The following PDE8B variants were observed in gnomAD, a reference collection of about 807,000 sequenced individuals.
PDE8B encodes high affinity cAMP-specific and IBMX-insensitive 3',5'-cyclic phosphodiesterase 8B.
Under a neutral mutation model 101.3 loss-of-function variants are expected in PDE8B, and 26 were observed. That is an observed-to-expected ratio of 0.26 (90% CI 0.19 to 0.36). The LOEUF (loss-of-function observed/expected upper bound fraction) is 0.36. PDE8B is among the 10% of genes least tolerant of loss of function. PDE8B has a pLI of 1.00. For synonymous variants in PDE8B, 424 were observed against 429.3 expected, an observed-to-expected ratio of 0.99 and a Z score of 0.15; for missense variants, 810 against 1,163.1, an observed-to-expected ratio of 0.70 and a Z score of 4.42.
chr5:77,138,469 G>A, the PDE8B span, among the ~76,000 whole-genome samples: 1 of 152,212 alleles, frequency 6.6e-6, no homozygotes, highest in Non-Finnish European at 1.5e-5. Context: ...TTCCAGAGCT[G>A]AGTATTTCCA....
intron 10 of PDE8B, among the ~76,000 whole-genome samples, chr5:77,364,290 C>G (rs954772597): frequency 5.3e-5 from 8 of 152,168 alleles, no homozygotes; most frequent in African/African-American, 1.7e-4. Context: ...CACCTAAAAC[C>G]CAGCCATTGT....
the PDE8B span, chr5:77,148,595 A>T: frequency 1.3e-5 from 2 of 152,180 alleles, no homozygotes; most frequent in African/African-American, 4.8e-5. Context: ...GTGATATCTT[A>T]TCGTGGTTTT....
intron 1 of PDE8B, among the ~76,000 whole-genome samples, chr5:77,279,110 G>C (rs1023663791): frequency 6.6e-6 from 1 of 152,170 alleles, no homozygotes; most frequent in African/African-American, 2.4e-5. Flanking sequence ...TGGTGATTAT[G>C]TGGTGTTCTA....
At position 77,421,848 on chromosome 5, in the gene PDE8B, C is replaced by T. The variant is rs755425323; in HGVS notation, c.2278C>T (p.Pro760Ser). The T allele has an allele frequency of 3.7e-6, 6 of 1,614,094 alleles. No individual in the cohort carries two copies. Among genetic ancestry groups the T allele is most frequent in the Non-Finnish European group, 4.2e-6 (5 of 1,179,990 alleles). Residue 760 changes from proline to serine, a missense_variant, in exon 20 of 22, where the codon CCT becomes TCT. Pro to Ser is a moderately conservative substitution (Grantham distance 74). Coordinates refer to ENST00000264917, the MANE Select transcript of PDE8B (RefSeq NM_003719.5). ...EIEGSDCECN[P>S]AGKNFPENQI... The stretch of plus-strand genomic sequence containing the variant: ...TGAAGGCAGCGACTGTGAATGCAAC[C>T]CTGCTGGGAAGAACTTCCCTGAAAA...
chr5:77,298,465 T>C (rs754950207), intron 1 of PDE8B, among the ~76,000 whole-genome samples: 3 of 152,212 alleles, frequency 2.0e-5, no homozygotes, highest in Non-Finnish European at 2.9e-5. Context: ...ATAAGCAGCA[T>C]TGATGAATTT....
intron 1 of PDE8B, among the ~76,000 whole-genome samples, chr5:77,220,638 A>G (rs916506695): frequency 4.6e-5 from 7 of 152,256 alleles, no homozygotes; most frequent in African/African-American, 1.7e-4. Context: ...AAAAAGTTTT[A>G]GCCCATTATG....
intron 5 of PDE8B, among the ~76,000 whole-genome samples, chr5:77,336,973 A>G (rs1049980968): frequency 1.3e-5 from 2 of 152,240 alleles, no homozygotes; most frequent in Non-Finnish European, 2.9e-5. Flanking sequence ...TCCGTGCTCT[A>G]GAGCATTCAT....
At chr5:77,107,572 A>G in the PDE8B span, among the ~76,000 whole-genome samples, 11 of 152,220 alleles carry the variant, frequency 7.2e-5, no homozygotes, top group African/African-American at 2.4e-4. Context: ...AATAGAACTG[A>G]TGAGAGAGGG....
the PDE8B span, among the ~76,000 whole-genome samples, chr5:77,130,504 C>T: frequency 3.2e-4 from 48 of 152,250 alleles, no homozygotes; most frequent in African/African-American, 1.1e-3. Flanking sequence ...CTTCTAAGCA[C>T]CTTTCCCTTA....
the PDE8B span, among the ~76,000 whole-genome samples, chr5:77,179,018 A>G: frequency 6.6e-6 from 1 of 152,220 alleles, no homozygotes; most frequent in South Asian, 2.1e-4. Flanking sequence ...GTGGGCAGCA[A>G]GTCAAGTCAC....
chr5:77,233,654 CTGTGTGTGTGTGTGTG>C (rs72346580), intron 1 of PDE8B, among the ~76,000 whole-genome samples: 24,253 of 138,274 alleles, frequency 0.18, 2,225 homozygotes, highest in African/African-American at 0.24. Context: ...CCCTGAAGCT[CTGTGTGTGTGTGTGTG>C]TGTGTGTGTG....
At chr5:77,423,392 G>A (rs1797109375) in intron 20 of PDE8B, among the ~76,000 whole-genome samples, 1 of 152,136 alleles carries the variant, frequency 6.6e-6, no homozygotes, top group Admixed American at 6.5e-5. Context: ...TGGGACGGCT[G>A]GGTTGAATAG....
the PDE8B span, among the ~76,000 whole-genome samples, chr5:77,166,154 A>G: frequency 6.7e-6 from 1 of 148,684 alleles, no homozygotes; most frequent in South Asian, 2.2e-4. Context: ...GCACTTCACA[A>G]TTCTGCCCTG....
intron 5 of PDE8B, among the ~76,000 whole-genome samples, chr5:77,333,910 A>C (rs1777613228): frequency 6.6e-6 from 1 of 152,236 alleles, no homozygotes. Flanking sequence ...GGTAGCTGTC[A>C]GGGACCACCT....
chr5:77,411,605 A>G (rs1478950009), intron 14 of PDE8B, 71 bp from the exon 15 acceptor site: 3 of 1,269,242 alleles, frequency 2.4e-6, no homozygotes, highest in Admixed American at 1.7e-5. Context: ...CTCTTTCACT[A>G]ATAATAAAAA....
Position 77,210,916 on chromosome 5 carries a change from C to T in PDE8B, c.-10C>T. On this transcript the variant is annotated 5_prime_UTR_variant, in exon 1 of 22. Transcript: ENST00000264917. The surrounding 1 kb of genome is among the most constrained non-coding windows in gnomAD (Gnocchi z 4.9). ...GCGCGGGCGGGCGCGCGGGGGAGCC[C>T]GGCCGAGGGATGGGCTGCGCCCCCA... The T allele has an allele frequency of 2.9e-6, 4 of 1,389,046 alleles. No homozygotes were observed. Among genetic ancestry groups the T allele is most frequent in the Non-Finnish European group, 3.7e-6 (4 of 1,070,666 alleles). 86.0% of individuals were successfully genotyped at this position (1,389,046 alleles called of 1,614,324 possible).
chr5:77,354,492 A>C (rs13186807), intron 10 of PDE8B, among the ~76,000 whole-genome samples: 70,788 of 151,998 alleles, frequency 0.47, 17,324 homozygotes, highest in South Asian at 0.59. Flanking sequence ...AAGGGTTCCA[A>C]CAGACATTTT....
At chr5:77,283,414 A>G (rs1020625357) in intron 1 of PDE8B, among the ~76,000 whole-genome samples, 1 of 152,212 alleles carries the variant, frequency 6.6e-6, no homozygotes, top group African/African-American at 2.4e-5. Context: ...GGAGTTTGAC[A>G]GGTATACACC....
At chr5:77,269,796 AT>A (rs1410258796) in intron 1 of PDE8B, among the ~76,000 whole-genome samples, 1 of 152,058 alleles carries the variant, frequency 6.6e-6, no homozygotes, top group Non-Finnish European at 1.5e-5. Flanking sequence ...GTATGGATTT[AT>A]TTTTGGGTTC....
Sources: allele counts gnomAD v4.1 joint callset (sites outside exome capture counted in the v4.1 genomes callset), GRCh38; gene constraint gnomAD v4.1.1; non-coding constraint Gnocchi (gnomAD v3.1); transcripts MANE v1.5; gene names NCBI Gene and HGNC (gene_info 2026-07-23, HGNC 2026-07-21).